The following GRSF1 variants were observed in gnomAD, a reference collection of about 807,000 sequenced individuals.
GRSF1 encodes G-rich RNA sequence binding factor 1.
In GRSF1, 50 loss-of-function variants were observed where a neutral mutation model predicts 51.1. The observed-to-expected ratio is 0.98, with a 90% CI of 0.78 to 1.24. The LOEUF (loss-of-function observed/expected upper bound fraction) is 1.24. Among genes scored for constraint, GRSF1 ranks in the 50% most tolerant of loss-of-function variants. The probability of loss-of-function intolerance (pLI) is 0.00; values close to 1 mark genes in which losing one functional copy is unlikely to be tolerated. For synonymous variants in GRSF1, 293 were observed against 253.3 expected (o/e 1.16, Z -1.49); for missense variants, 700 against 639.7 (o/e 1.09, Z -1.02).
chr4:70,834,003 T>C (rs765954700), intron 2 of GRSF1, among the ~76,000 whole-genome samples: 1 of 152,176 alleles, frequency 6.6e-6, no homozygotes, highest in Non-Finnish European at 1.5e-5. Context: ...TTCATGCCTG[T>C]AATCCCAGCC....
intron 8 of GRSF1, among the ~76,000 whole-genome samples, chr4:70,824,859 T>G (rs113439729): frequency 0.016 from 2,378 of 152,214 alleles, 77 homozygotes; most frequent in African/African-American, 0.052. Context: ...TCCCGGCACT[T>G]TGGGAGGTCG....
chr4:70,823,663 A>G (rs1405781281), intron 9 of GRSF1, among the ~76,000 whole-genome samples: 1 of 151,466 alleles, frequency 6.6e-6, no homozygotes, highest in Non-Finnish European at 1.5e-5. Flanking sequence ...TAAGGCCAGA[A>G]GTTCAAGGCC....
intron 9 of GRSF1, among the ~76,000 whole-genome samples, chr4:70,822,493 G>A (rs1242343547): frequency 1.3e-5 from 2 of 150,554 alleles, no homozygotes; most frequent in Non-Finnish European, 2.9e-5. Flanking sequence ...TGAGGCAGAA[G>A]AATCACTTGA....
chr4:70,834,439 A>G (rs964931408), intron 2 of GRSF1, among the ~76,000 whole-genome samples: 2 of 152,160 alleles, frequency 1.3e-5, no homozygotes, highest in African/African-American at 4.8e-5. Flanking sequence ...TTCCACTGAC[A>G]GGCTTGACTT....
At chr4:70,828,186 A>T (rs1733809785) in intron 5 of GRSF1, 150 bp from the exon 6 acceptor site, 1 of 628,856 alleles carries the variant, frequency 1.6e-6, no homozygotes, top group African/African-American at 1.9e-5. Context: ...AATAATGCAT[A>T]CAGATAGTAG....
At chr4:70,821,823 G>A (rs1000735511) in intron 9 of GRSF1, among the ~76,000 whole-genome samples, 33 of 151,812 alleles carry the variant, frequency 2.2e-4, no homozygotes, top group African/African-American at 7.5e-4. Context: ...CTACAGACAT[G>A]CACCACCACA....
In GRSF1 at chr4:70,818,349, G is replaced by T. The variant is rs764153099; in HGVS notation, c.*2538C>A. 4 of 152,208 alleles carry T rather than the reference G, an allele frequency of 2.6e-5. No individual in the cohort carries two copies. Among genetic ancestry groups the T allele is most frequent in the Admixed American group, 6.5e-5 (1 of 15,280 alleles). The allele number at this position is 152,208 out of a possible 1,614,324, so 9.4% of individuals were successfully genotyped here. ...AAAAATAACTTTCCAAATGAGAACT[G>T]AGTAAGGGCTGTTCAGGGCAGAGGA... On this transcript the variant is annotated 3_prime_UTR_variant, in exon 10 of 10. Transcript: ENST00000254799.
At position 70,828,053 on chromosome 4, in the gene GRSF1, G is replaced by A. The variant is rs1420648542; in HGVS notation, c.951-17C>T. On this transcript the variant is annotated splice_polypyrimidine_tract_variant and intron_variant, in intron 5 of 9. Transcript: ENST00000254799. Reference sequence around the variant, plus strand: ...TCGATGTATCTATGTCAAAGCAAAAGTAAACAGGCACAAATGGTGCAAAGT... The same window carrying A: ...TCGATGTATCTATGTCAAAGCAAAAATAAACAGGCACAAATGGTGCAAAGT... 5.0e-6 allele frequency: 8 copies of A among 1,594,376 alleles called. No homozygotes were observed. The African/African-American group carries it at 1.1e-4, about 21-fold the overall frequency.
At position 70,839,324 on chromosome 4, in the gene GRSF1, C is replaced by T. The variant is rs1044216134; in HGVS notation, c.357+147G>A. Reference sequence around the variant, plus strand: ...CTTGTTCCAGGGCCCAATAGGAGCACAGGGTGGACGGGGGCGGGTGTGCGG... The same window carrying T: ...CTTGTTCCAGGGCCCAATAGGAGCATAGGGTGGACGGGGGCGGGTGTGCGG... On this transcript the variant is annotated intron_variant, in intron 1 of 9. Coordinates refer to ENST00000254799, the MANE Select transcript of GRSF1 (RefSeq NM_002092.4). 4 of 1,503,330 alleles carry T rather than the reference C, an allele frequency of 2.7e-6. No individual in the cohort carries two copies. In the African/African-American group the frequency reaches 5.6e-5, roughly 21 times the overall value. 93.1% of individuals were successfully genotyped at this position (1,503,330 alleles called of 1,614,324 possible).
At chr4:70,835,063 T>C (rs1275893524) in intron 2 of GRSF1, among the ~76,000 whole-genome samples, 1 of 152,166 alleles carries the variant, frequency 6.6e-6, no homozygotes, top group Non-Finnish European at 1.5e-5. Context: ...TAATGTTCCA[T>C]GTTAGTTTGC....
At chr4:70,838,889 C>CAG (rs1734334803) in intron 1 of GRSF1, 2 of 329,682 alleles carry the variant, frequency 6.1e-6, no homozygotes, top group South Asian at 5.0e-5. Context: ...AGTGGAGTTG[C>CAG]AGAGGTGACC....
chr4:70,829,157 C>G (rs1733858640), intron 5 of GRSF1, among the ~76,000 whole-genome samples: 1 of 152,152 alleles, frequency 6.6e-6, no homozygotes, highest in African/African-American at 2.4e-5. Context: ...TCCCAAAGTG[C>G]TGGGATTATA....
chr4:70,837,160 G>A (rs1018429058), intron 1 of GRSF1, among the ~76,000 whole-genome samples: 12 of 152,164 alleles, frequency 7.9e-5, no homozygotes, highest in Non-Finnish European at 1.8e-4. Flanking sequence ...AGCAGTGTGA[G>A]GCTACAGACT....
rs1198239586 is a variant in GRSF1 at position 70,826,111 on chromosome 4, T to C, written c.1257+13A>G. The C allele has an allele frequency of 3.7e-6, 6 of 1,604,420 alleles. No homozygotes were observed. In the South Asian group the frequency reaches 6.7e-5, roughly 18 times the overall value. On this transcript the variant is annotated intron_variant, in intron 7 of 9. Coordinates refer to ENST00000254799, the MANE Select transcript of GRSF1 (RefSeq NM_002092.4). The stretch of plus-strand genomic sequence containing the variant: ...TCAAATCTATTGAGATTGGATATCT[T>C]ACTGCCACACACGTTTATAATGTCT...
intron 3 of GRSF1, among the ~76,000 whole-genome samples, chr4:70,832,884 G>T (rs1734040008): frequency 6.6e-6 from 1 of 152,182 alleles, no homozygotes; most frequent in South Asian, 2.1e-4. Flanking sequence ...GGAGGCAGAG[G>T]TTGCAGTGAG....
intron 6 of GRSF1, 124 bp downstream of exon 6, chr4:70,827,728 G>A (rs1384798385): frequency 1.2e-5 from 8 of 678,930 alleles, no homozygotes; most frequent in South Asian, 1.9e-5. Flanking sequence ...GCAGTCAGCC[G>A]AGATCGCACC....
chr4:70,822,891 T>G (rs1260670739), intron 9 of GRSF1, among the ~76,000 whole-genome samples: 1 of 150,994 alleles, frequency 6.6e-6, no homozygotes, highest in African/African-American at 2.4e-5. Flanking sequence ...AGGAGTTAGT[T>G]CAAGATGAGC....
chr4:70,832,321 A>G lies in GRSF1; in HGVS notation c.800T>C (p.Val267Ala), dbSNP rs1304085147. The G allele has an allele frequency of 6.2e-7, 1 of 1,613,584 alleles. No homozygotes were observed. The highest frequency in any genetic ancestry group is 1.7e-5 in the Admixed American group (1 of 59,992). Reference protein sequence around the residue: ...LPYSCNEKDIVDFFAGLNIVD... With the variant: ...LPYSCNEKDIADFFAGLNIVD... ...CTGCAAAGTACCTGCAAAGAAGTCTACAATGTCTTTCTCATTGCAACTATA... is the reference window on the plus strand; with the variant it reads ...CTGCAAAGTACCTGCAAAGAAGTCTGCAATGTCTTTCTCATTGCAACTATA... Residue 267 changes from valine to alanine, a missense_variant, in exon 4 of 10, where the codon GTA becomes GCA. Coordinates refer to ENST00000254799, the MANE Select transcript of GRSF1 (RefSeq NM_002092.4).
chr4:70,826,238 A>T lies in GRSF1; in HGVS notation c.1143T>A (p.Pro381=). The change falls in exon 7 of 10, where the codon CCT becomes CCA. Residue 381 remains proline (P), a synonymous_variant. Transcript: ENST00000254799. Reference sequence around the variant, plus strand: ...CTGGAAGCTTTTCTGGCACCTCCTTAGGCAATTCTGAGAGGTGGAACAGAA... The same window carrying T: ...CTGGAAGCTTTTCTGGCACCTCCTTTGGCAATTCTGAGAGGTGGAACAGAA... ...AFESEKEIEL[P]KEVPEKLPEA... 1 of 1,604,406 alleles carries T rather than the reference A, an allele frequency of 6.2e-7. No individual in the cohort carries two copies. Among genetic ancestry groups the T allele is most frequent in the African/African-American group, 1.3e-5 (1 of 74,360 alleles).
Sources: gnomAD v4.1 joint callset for allele counts (sites outside exome capture counted in the v4.1 genomes callset) on GRCh38, gnomAD v4.1.1 for gene constraint, MANE v1.5 for transcripts, NCBI Gene and HGNC (gene_info 2026-07-23, HGNC 2026-07-21) for gene names.